The following CADM2 variants were observed in gnomAD, a reference collection of about 807,000 sequenced individuals.
The protein encoded by CADM2 is cell adhesion molecule 2.
Under a neutral mutation model 49.8 loss-of-function variants are expected in CADM2, and 12 were observed. The observed-to-expected ratio is 0.24, with a 90% CI of 0.15 to 0.39. CADM2 has a LOEUF of 0.39. CADM2 is among the 10% of genes least tolerant of loss of function. CADM2 has a pLI of 1.00. For missense variants in CADM2, 378 were observed against 492.3 expected (o/e 0.77, Z 2.20); for synonymous variants, 214 against 175.4 (o/e 1.22, Z -1.74).
At chr3:86,025,601 G>A (rs1232561578) in intron 8 of CADM2, among the ~76,000 whole-genome samples, 1 of 152,002 alleles carries the variant, frequency 6.6e-6, no homozygotes, top group Non-Finnish European at 1.5e-5. Flanking sequence ...ATTACACTTG[G>A]CAGACCTTGG....
At chr3:85,329,349 A>G (rs1039308393) in intron 1 of CADM2, among the ~76,000 whole-genome samples, 1 of 151,846 alleles carries the variant, frequency 6.6e-6, no homozygotes, top group East Asian at 1.9e-4. Flanking sequence ...AGCCTGGCCA[A>G]CATGGTAAAA....
intron 1 of CADM2, among the ~76,000 whole-genome samples, chr3:85,053,451 T>G (rs1207312381): frequency 6.6e-6 from 1 of 151,982 alleles, no homozygotes; most frequent in Non-Finnish European, 1.5e-5. Context: ...TTGAAAGAAC[T>G]GGGAGTGTTA....
chr3:85,685,017 A>C (rs1488049948), intron 1 of CADM2, among the ~76,000 whole-genome samples: 1 of 152,120 alleles, frequency 6.6e-6, no homozygotes, highest in African/African-American at 2.4e-5. Context: ...TAATCCCAGC[A>C]AGAGGAGGGT....
At chr3:85,477,811 G>A (rs1559860296) in intron 1 of CADM2, among the ~76,000 whole-genome samples, 1 of 151,840 alleles carries the variant, frequency 6.6e-6, no homozygotes, top group Non-Finnish European at 1.5e-5. Context: ...TCTGACCCCT[G>A]AATAATTTAG....
rs1444190754 is a variant in CADM2, at chr3:85,013,928, ACGCAG to A, written c.61+54261_61+54265del. On this transcript the variant is annotated intron_variant, in intron 1 of 9. Coordinates refer to ENST00000383699, the MANE Select transcript of CADM2 (RefSeq NM_001167675.2). ...CTGTCCTCAGTACAATATTATATATACGCAGTGTAATAATATTGTATATTATATAT... is the reference window on the plus strand; with the variant it reads ...CTGTCCTCAGTACAATATTATATATATGTAATAATATTGTATATTATATAT... 1.5e-3 allele frequency among the ~76,000 whole-genome samples: 220 copies of A among 146,568 alleles called. 6 individuals carry two copies. Among genetic ancestry groups the A allele is most frequent in the Middle Eastern group, 7.3e-3 (2 of 274 alleles).
intron 1 of CADM2, among the ~76,000 whole-genome samples, chr3:85,424,917 C>T (rs2036332104): frequency 6.6e-6 from 1 of 151,984 alleles, no homozygotes. Flanking sequence ...TTGATATAAT[C>T]ATATTTTGAC....
In CADM2 at chr3:86,048,047, T is replaced by C. The variant is rs370740520; in HGVS notation, c.971-17558T>C. On this transcript the variant is annotated intron_variant, in intron 8 of 9. Transcript: ENST00000383699. ...GAAAACATGTATCAAAGATGACCAG[T>C]ATTAATATGTATAAAAAACATTAAA... Among the ~76,000 whole-genome samples, 44 of 152,280 alleles carry C rather than the reference T, an allele frequency of 2.9e-4. No homozygotes were observed. The East Asian group carries it at 5.8e-3, about 20-fold the overall frequency.
At chr3:85,505,565 C>T (rs1461567104) in intron 1 of CADM2, among the ~76,000 whole-genome samples, 2 of 152,180 alleles carry the variant, frequency 1.3e-5, no homozygotes, top group Non-Finnish European at 2.9e-5. Flanking sequence ...TGTGGGATAA[C>T]ATTAATGTGT....
At chr3:85,328,207 G>T (rs532199601) in intron 1 of CADM2, among the ~76,000 whole-genome samples, 2 of 152,162 alleles carry the variant, frequency 1.3e-5, no homozygotes, top group South Asian at 4.2e-4. Flanking sequence ...TGTCTAACAG[G>T]CTCTGTATAT....
chr3:85,905,152 ACT>A (rs1230311091), intron 5 of CADM2, among the ~76,000 whole-genome samples: 1 of 152,012 alleles, frequency 6.6e-6, no homozygotes, highest in African/African-American at 2.4e-5. Context: ...TGAACTCCCA[ACT>A]CTAGGAAGTT....
At chr3:85,879,433 G>A (rs1028976186) in intron 3 of CADM2, among the ~76,000 whole-genome samples, 3 of 152,000 alleles carry the variant, frequency 2.0e-5, no homozygotes, top group Admixed American at 6.6e-5. Flanking sequence ...TGAGTGTATG[G>A]GAGGGTGATT....
intron 7 of CADM2, among the ~76,000 whole-genome samples, chr3:85,951,915 A>C (rs1193477583): frequency 6.6e-6 from 1 of 151,010 alleles, no homozygotes; most frequent in Non-Finnish European, 1.5e-5. Context: ...AAACAAAACA[A>C]ATCTGATTGA....
At chr3:85,951,691 T>C (rs1235165465) in intron 7 of CADM2, among the ~76,000 whole-genome samples, 6 of 151,192 alleles carry the variant, frequency 4.0e-5, no homozygotes, top group African/African-American at 1.4e-4. Context: ...TGAAATTTAC[T>C]TTGGCTTTAA....
intron 8 of CADM2, among the ~76,000 whole-genome samples, chr3:86,005,014 T>C (rs1730611332): frequency 6.6e-6 from 1 of 152,190 alleles, no homozygotes; most frequent in South Asian, 2.1e-4. Context: ...TCTCTCTTGT[T>C]AATTCCCAGA....
intron 1 of CADM2, among the ~76,000 whole-genome samples, chr3:85,029,925 T>G (rs2034904129): frequency 6.6e-6 from 1 of 152,184 alleles, no homozygotes; most frequent in Admixed American, 6.5e-5. Context: ...TTAATAGCAC[T>G]TCTTCACCCA....
At chr3:85,649,689 AGGAGAC>A (rs2064989076) in intron 1 of CADM2, among the ~76,000 whole-genome samples, 1 of 152,180 alleles carries the variant, frequency 6.6e-6, no homozygotes, top group Admixed American at 6.5e-5. Context: ...TTAAACGCAA[AGGAGAC>A]CGTGATTCTG....
rs148048787 is a variant in CADM2 at position 86,033,435 on chromosome 3, G to A, written c.971-32170G>A. Among the ~76,000 whole-genome samples the A allele has an allele frequency of 2.5e-3, 381 of 151,782 alleles. 1 individual carries two copies. Among genetic ancestry groups the A allele is most frequent in the African/African-American group, 8.9e-3 (369 of 41,442 alleles). On this transcript the variant is annotated intron_variant, in intron 8 of 9. Transcript: ENST00000383699. ...CCTCTCAATTGTTGGATTATCAGTG[G>A]ATGATCCAGGAAGACATTTCTTCCC...
intron 1 of CADM2, among the ~76,000 whole-genome samples, chr3:85,693,221 C>T (rs2066439471): frequency 1.3e-5 from 2 of 151,298 alleles, no homozygotes; most frequent in African/African-American, 4.9e-5. Context: ...TGCACTCCAG[C>T]CTGGCAACAG....
At chr3:85,242,490 CAT>C (rs1252483366) in intron 1 of CADM2, among the ~76,000 whole-genome samples, 2 of 151,550 alleles carry the variant, frequency 1.3e-5, no homozygotes, top group African/African-American at 4.8e-5. Flanking sequence ...TATATTATCA[CAT>C]ATCTTTGTAT....
Sources: gnomAD v4.1 joint callset for allele counts (sites outside exome capture counted in the v4.1 genomes callset) on GRCh38, gnomAD v4.1.1 for gene constraint, MANE v1.5 for transcripts, NCBI Gene and HGNC (gene_info 2026-07-23, HGNC 2026-07-21) for gene names.